The following ZNF280D variants were observed in gnomAD, a reference collection of about 807,000 sequenced individuals.
The protein encoded by ZNF280D is zinc finger protein 280D, also known as suppressor of hairy wing homolog 4.
In ZNF280D, 39 loss-of-function variants were observed where a neutral mutation model predicts 94.7. That is an observed-to-expected ratio of 0.41 (90% CI 0.32 to 0.54). The LOEUF (loss-of-function observed/expected upper bound fraction) is 0.54, where lower values mean the gene tolerates loss of function less well. Among genes scored for constraint, ZNF280D ranks in the 20% least tolerant of loss-of-function variants. The probability of loss-of-function intolerance (pLI) is 0.22; values close to 1 mark genes in which losing one functional copy is unlikely to be tolerated. For missense variants in ZNF280D, 1,090 were observed against 1,149.3 expected (o/e 0.95, Z 0.75); for synonymous variants, 398 against 377.6 (o/e 1.05, Z -0.63).
chr15:56,715,610 C>T (rs1032549028), intron 1 of ZNF280D, among the ~76,000 whole-genome samples: 38 of 151,908 alleles, frequency 2.5e-4, no homozygotes, highest in African/African-American at 9.2e-4. Flanking sequence ...CAGTCTGTCC[C>T]TGGATCTAAA....
chr15:56,711,148 C>G (rs2057738245), intron 1 of ZNF280D, among the ~76,000 whole-genome samples: 1 of 152,128 alleles, frequency 6.6e-6, no homozygotes, highest in African/African-American at 2.4e-5. Flanking sequence ...CACTTATTAC[C>G]AATATGATGT....
chr15:56,674,086 C>A (rs933664354), intron 13 of ZNF280D, among the ~76,000 whole-genome samples: 1 of 152,060 alleles, frequency 6.6e-6, no homozygotes, highest in African/African-American at 2.4e-5. Flanking sequence ...ATACCTAAAG[C>A]AGCCCCTAGC....
chr15:56,646,632 G>A (rs1271820707), intron 19 of ZNF280D, among the ~76,000 whole-genome samples: 6 of 152,116 alleles, frequency 3.9e-5, no homozygotes, highest in African/African-American at 1.4e-4. Context: ...CATTTACCAG[G>A]TTGTACATAT....
chr15:56,707,493 G>C (rs2057479952), intron 1 of ZNF280D, 187 bp from the exon 2 acceptor site: 1 of 162,934 alleles, frequency 6.1e-6, no homozygotes, highest in South Asian at 2.0e-4. Context: ...GATTATACTT[G>C]GCACTTAATA....
chr15:56,718,869 C>G (rs1471425548), intron 1 of ZNF280D, among the ~76,000 whole-genome samples: 2 of 152,168 alleles, frequency 1.3e-5, no homozygotes, highest in Non-Finnish European at 2.9e-5. Context: ...TCTTCATTTG[C>G]ATTTTCCTTG....
chr15:56,645,147 T>C (rs2052816679), intron 19 of ZNF280D: 2 of 152,150 alleles, frequency 1.3e-5, no homozygotes, highest in South Asian at 2.1e-4. Context: ...ATAATTCTTA[T>C]TTACTAAAGA....
intron 6 of ZNF280D, among the ~76,000 whole-genome samples, chr15:56,694,841 G>A (rs2056650893): frequency 6.6e-6 from 1 of 152,140 alleles, no homozygotes; most frequent in Non-Finnish European, 1.5e-5. Context: ...CTATAGTTGG[G>A]TTAATGTTAA....
chr15:56,689,778 C>A (rs1871860), intron 7 of ZNF280D, among the ~76,000 whole-genome samples: 142,645 of 150,086 alleles, frequency 0.95, 67,983 homozygotes, highest in East Asian at 1. Flanking sequence ...TATTCCAAGC[C>A]AAAAAAAAAA....
In ZNF280D at chr15:56,658,442, T is replaced by G; in HGVS notation, c.2039A>C (p.Lys680Thr). The G allele has an allele frequency of 6.3e-7, 1 of 1,589,288 alleles. No homozygotes were observed. The highest frequency in any genetic ancestry group is 8.5e-7 in the Non-Finnish European group (1 of 1,172,490). ...RPSKRFCIFK[K>T]HSENLRGITL... ...TAGTTACCGGAGATTTTCTGAATGC[T>G]TCTTAAAAATACAAAACCTTTTGCT... Residue 680 changes from lysine (K) to threonine (T), a missense_variant, in exon 17 of 22, where the codon AAG becomes ACG. Lys to Thr is a moderately conservative substitution (Grantham distance 78). Transcript: ENST00000267807.
intron 1 of ZNF280D, among the ~76,000 whole-genome samples, chr15:56,708,591 T>C (rs1264856516): frequency 2.0e-5 from 3 of 152,188 alleles, no homozygotes; most frequent in Admixed American, 6.5e-5. Flanking sequence ...CTATGAAAGA[T>C]ACCTGACTTC....
intron 19 of ZNF280D, chr15:56,652,960 A>C: frequency 3.3e-6 from 3 of 913,526 alleles, no homozygotes; most frequent in Non-Finnish European, 3.9e-6. Context: ...ATAAAAATAG[A>C]CATCATAAAA....
At chr15:56,633,642 C>T (rs1430584879) in intron 21 of ZNF280D, among the ~76,000 whole-genome samples, 2 of 151,868 alleles carry the variant, frequency 1.3e-5, no homozygotes, top group African/African-American at 4.8e-5. Flanking sequence ...AGGCACGTGC[C>T]ACCAAGCCCG....
chr15:56,660,805 C>T (rs1468904784), intron 16 of ZNF280D, among the ~76,000 whole-genome samples: 4 of 152,018 alleles, frequency 2.6e-5, no homozygotes, highest in Non-Finnish European at 4.4e-5. Flanking sequence ...GGTCAAAAAC[C>T]TCCTCTAATC....
intron 13 of ZNF280D, among the ~76,000 whole-genome samples, chr15:56,669,984 T>TTA (rs1566961299): frequency 1.8e-3 from 3 of 1,676 alleles, no homozygotes; most frequent in African/African-American, 7.2e-3. Context: ...AATATATATA[T>TTA]TATATATATA....
chr15:56,690,223 A>G (rs550499738), intron 7 of ZNF280D, among the ~76,000 whole-genome samples: 1 of 152,224 alleles, frequency 6.6e-6, no homozygotes, highest in African/African-American at 2.4e-5. Flanking sequence ...TCTACTAAAA[A>G]TACAAAAAAT....
intron 20 of ZNF280D, among the ~76,000 whole-genome samples, chr15:56,641,203 T>C (rs1478156050): frequency 2.6e-5 from 4 of 152,070 alleles, no homozygotes; most frequent in African/African-American, 9.6e-5. Context: ...GCTCAAGTTT[T>C]ATGTTCATCA....
chr15:56,717,219 A>G (rs1412629325), intron 1 of ZNF280D, among the ~76,000 whole-genome samples: 2 of 152,168 alleles, frequency 1.3e-5, no homozygotes, highest in Non-Finnish European at 2.9e-5. Context: ...TGGTTTTCCA[A>G]AGGAAAACCA....
At chr15:56,664,001 G>A (rs2054123291) in intron 16 of ZNF280D, among the ~76,000 whole-genome samples, 2 of 152,138 alleles carry the variant, frequency 1.3e-5, no homozygotes, top group African/African-American at 2.4e-5. Context: ...AATATCACAT[G>A]TACTCCACAA....
chr15:56,709,373 G>A (rs572945456), intron 1 of ZNF280D, among the ~76,000 whole-genome samples: 1 of 150,194 alleles, frequency 6.7e-6, no homozygotes, highest in Admixed American at 6.6e-5. Context: ...ATGCTAGAGA[G>A]GATGTGGAGA....
Sources: allele counts gnomAD v4.1 joint callset (sites outside exome capture counted in the v4.1 genomes callset), GRCh38; gene constraint gnomAD v4.1.1; transcripts MANE v1.5; gene names NCBI Gene and HGNC (gene_info 2026-07-23, HGNC 2026-07-21).